The following FHIT variants were observed in gnomAD, a reference collection of about 807,000 sequenced individuals.
FHIT encodes the protein fragile histidine triad diadenosine triphosphatase.
FHIT carries 19 observed loss-of-function variants against 17.9 expected under a neutral mutation model. The observed-to-expected ratio is 1.06, with a 90% CI of 0.74 to 1.56. The LOEUF is 1.56. FHIT is among the 40% of genes most tolerant of loss of function. FHIT has a pLI of 0.00. For synonymous variants in FHIT, 81 were observed against 69.7 expected, an observed-to-expected ratio of 1.16 and a Z score of -0.81; for missense variants, 248 against 189.2, an observed-to-expected ratio of 1.31 and a Z score of -1.82.
chr3:60,004,753 A>AT (rs959329949), intron 7 of FHIT, among the ~76,000 whole-genome samples: 31 of 152,050 alleles, frequency 2.0e-4, no homozygotes, highest in African/African-American at 5.1e-4. Context: ...CCAGTATGTG[A>AT]TTTTTTTTCT....
chr3:59,808,418 C>G (rs1161814714), intron 8 of FHIT, among the ~76,000 whole-genome samples: 1 of 152,134 alleles, frequency 6.6e-6, no homozygotes, highest in African/African-American at 2.4e-5. Context: ...CTCTGACAAG[C>G]CCCTGGGACT....
At chr3:60,393,686 T>C (rs775806433) in intron 5 of FHIT, among the ~76,000 whole-genome samples, 2 of 152,088 alleles carry the variant, frequency 1.3e-5, no homozygotes, top group Non-Finnish European at 2.9e-5. Flanking sequence ...TTTAAATAAA[T>C]TGTCAACTTT....
chr3:60,860,196 C>CTG (rs1553751105), intron 3 of FHIT, among the ~76,000 whole-genome samples: 80 of 132,800 alleles, frequency 6.0e-4, no homozygotes, highest in African/African-American at 1.3e-3. Flanking sequence ...TGAGATACAT[C>CTG]ATATGTATAT....
intron 8 of FHIT, among the ~76,000 whole-genome samples, chr3:59,755,944 AGTTCCTTTAATCT>A: frequency 6.6e-6 from 1 of 152,180 alleles, no homozygotes. Flanking sequence ...GAAGAACAAA[AGTTCCTTTAATCT>A]CTTTGTGTCT....
chr3:60,581,482 G>A (rs905728826), intron 4 of FHIT, among the ~76,000 whole-genome samples: 2 of 151,934 alleles, frequency 1.3e-5, no homozygotes, highest in Non-Finnish European at 2.9e-5. Context: ...ACTCTAGGAG[G>A]TAGGTAATAT....
chr3:59,913,777 C>A (rs760127798), intron 8 of FHIT, among the ~76,000 whole-genome samples: 1 of 152,102 alleles, frequency 6.6e-6, no homozygotes, highest in Non-Finnish European at 1.5e-5. Flanking sequence ...ATATGGGAAA[C>A]ATAAGATACT....
chr3:60,872,678 A>G (rs577782643), intron 3 of FHIT, among the ~76,000 whole-genome samples: 1 of 152,312 alleles, frequency 6.6e-6, no homozygotes, highest in South Asian at 2.1e-4. Flanking sequence ...AATAAAGAAT[A>G]ATGATCATTT....
intron 5 of FHIT, among the ~76,000 whole-genome samples, chr3:60,487,469 A>G (rs1467715738): frequency 1.3e-5 from 2 of 152,216 alleles, no homozygotes; most frequent in Non-Finnish European, 2.9e-5. Context: ...AGACTTCTAC[A>G]TTCTGCTCTA....
chr3:60,731,464 A>T (rs1184443196), intron 4 of FHIT, among the ~76,000 whole-genome samples: 1 of 152,166 alleles, frequency 6.6e-6, no homozygotes, highest in Non-Finnish European at 1.5e-5. Flanking sequence ...TTGGGGTTTC[A>T]TATATTGGCA....
intron 7 of FHIT, among the ~76,000 whole-genome samples, chr3:59,928,718 C>T (rs991316874): frequency 5.3e-5 from 8 of 152,214 alleles, no homozygotes; most frequent in East Asian, 1.9e-4. Flanking sequence ...ACAGATAGGC[C>T]GGGTGCGGCG....
At chr3:60,036,634 C>A (rs1701229181) in intron 5 of FHIT, among the ~76,000 whole-genome samples, 1 of 151,970 alleles carries the variant, frequency 6.6e-6, no homozygotes, top group African/African-American at 2.4e-5. Context: ...CACCCTAAAC[C>A]AACAAATGTT....
chr3:60,272,228 A>G (rs1354760335), intron 5 of FHIT, among the ~76,000 whole-genome samples: 1 of 152,246 alleles, frequency 6.6e-6, no homozygotes, highest in African/African-American at 2.4e-5. Context: ...TATTTATACA[A>G]TTAACTCCAA....
intron 4 of FHIT, among the ~76,000 whole-genome samples, chr3:60,595,539 A>ATATG (rs1275351702): frequency 1.3e-4 from 19 of 149,730 alleles, no homozygotes; most frequent in African/African-American, 4.4e-4. Flanking sequence ...ACACATATAT[A>ATATG]TGTGTGTGTA....
At chr3:61,100,643 T>G (rs1030485938) in intron 2 of FHIT, among the ~76,000 whole-genome samples, 2 of 152,206 alleles carry the variant, frequency 1.3e-5, no homozygotes, top group Non-Finnish European at 2.9e-5. Context: ...CACACTGTCT[T>G]CCACATTGGT....
rs1350083910 is a variant in FHIT, at chr3:60,180,920, CTAAG to C, written c.104-166772_104-166769del. On this transcript the variant is annotated intron_variant, in intron 5 of 9. Coordinates refer to ENST00000492590, the MANE Select transcript of FHIT (RefSeq NM_002012.4). Reference sequence around the variant, plus strand: ...AAACACTGCACATATTTTAAACAAACTAAGTAAGCATTTACTTATATTTGATAAT... The same window carrying C: ...AAACACTGCACATATTTTAAACAAACTAAGCATTTACTTATATTTGATAAT... Among the ~76,000 whole-genome samples, 6 of 152,052 alleles carry C rather than the reference CTAAG, an allele frequency of 3.9e-5. No homozygotes were observed. The East Asian group carries it at 7.7e-4, about 20-fold the overall frequency.
chr3:60,789,889 C>G (rs1700717981), intron 4 of FHIT, among the ~76,000 whole-genome samples: 2 of 152,134 alleles, frequency 1.3e-5, no homozygotes, highest in South Asian at 4.1e-4. Context: ...CCAGAGTTGG[C>G]ATGTGTTGTA....
intron 5 of FHIT, among the ~76,000 whole-genome samples, chr3:60,123,993 T>C (rs1308308148): frequency 6.1e-4 from 25 of 40,766 alleles, no homozygotes; most frequent in African/African-American, 2.2e-3. Flanking sequence ...TATATATATA[T>C]ATATATATAT....
intron 1 of FHIT, among the ~76,000 whole-genome samples, chr3:61,209,540 T>G (rs1477686611): frequency 6.6e-6 from 1 of 152,032 alleles, no homozygotes; most frequent in Non-Finnish European, 1.5e-5. Context: ...TTTTCTAAAC[T>G]TCTCTTCTCG....
chr3:59,854,637 AT>A (rs375417503), intron 8 of FHIT, among the ~76,000 whole-genome samples: 1 of 152,128 alleles, frequency 6.6e-6, no homozygotes, highest in Non-Finnish European at 1.5e-5. Context: ...CAATTTTGTG[AT>A]TTTTACAGAT....
Sources: allele counts gnomAD v4.1 joint callset (sites outside exome capture counted in the v4.1 genomes callset), GRCh38; gene constraint gnomAD v4.1.1; transcripts MANE v1.5; gene names NCBI Gene and HGNC (gene_info 2026-07-23, HGNC 2026-07-21).